Variants in FBXO34 observed in about 807,000 individuals in gnomAD.
FBXO34 encodes F-box protein 34, also known as F-box only protein 34.
FBXO34 carries 12 observed loss-of-function variants against 24.5 expected under a neutral mutation model. That is an observed-to-expected ratio of 0.49 (90% confidence interval 0.31 to 0.79). The LOEUF (loss-of-function observed/expected upper bound fraction) is 0.79. Among genes scored for constraint, FBXO34 ranks in the 30% least tolerant of loss-of-function variants. The probability of loss-of-function intolerance (pLI) is 0.04; values close to 1 mark genes in which losing one functional copy is unlikely to be tolerated. For missense variants in FBXO34, 823 were observed against 857.7 expected (o/e 0.96, Z 0.51); for synonymous variants, 320 against 311.9 (o/e 1.03, Z -0.27).
chr14:55,423,146 G>A, the FBXO34 span, among the ~76,000 whole-genome samples: 10 of 152,260 alleles, frequency 6.6e-5, no homozygotes, highest in East Asian at 1.3e-3. Flanking sequence ...TGGATGTGTT[G>A]AAAAATGGTC....
the FBXO34 span, chr14:55,435,973 TAA>T: frequency 3.5e-6 from 4 of 1,133,848 alleles, no homozygotes; most frequent in Non-Finnish European, 4.9e-6. Context: ...ATATCAGATA[TAA>T]AGAGTAAAAA....
chr14:55,327,266 T>G (rs755775996), intron 1 of FBXO34, among the ~76,000 whole-genome samples: 1 of 152,160 alleles, frequency 6.6e-6, no homozygotes, highest in South Asian at 2.1e-4. Context: ...GATGTCTCAT[T>G]GGAGCAGAGT....
the FBXO34 span, among the ~76,000 whole-genome samples, chr14:55,418,013 G>A: frequency 6.6e-6 from 1 of 152,194 alleles, no homozygotes; most frequent in African/African-American, 2.4e-5. Flanking sequence ...TGTGATAAAG[G>A]ATGTGAGCTA....
downstream of FBXO34, among the ~76,000 whole-genome samples, chr14:55,354,095 C>T (rs1175329481): frequency 6.6e-6 from 1 of 152,148 alleles, no homozygotes; most frequent in Non-Finnish European, 1.5e-5. Context: ...CTGTGCTGGG[C>T]TGATGTGCTT....
the FBXO34 span, among the ~76,000 whole-genome samples, chr14:55,439,420 CCT>C: frequency 1.3e-5 from 2 of 152,038 alleles, no homozygotes; most frequent in African/African-American, 2.4e-5. Flanking sequence ...CTCTGTTTCC[CCT>C]GTCAAAGCAG....
the FBXO34 span, among the ~76,000 whole-genome samples, chr14:55,417,090 A>G: frequency 3.9e-5 from 6 of 152,240 alleles, no homozygotes; most frequent in Non-Finnish European, 8.8e-5. Flanking sequence ...AGGGATCATT[A>G]TATCATAGAG....
intron 1 of FBXO34, among the ~76,000 whole-genome samples, chr14:55,312,123 C>T (rs149478714): frequency 0.012 from 1,835 of 150,908 alleles, 44 homozygotes; most frequent in African/African-American, 0.041. Flanking sequence ...TCACTTGAAC[C>T]TGGGAGGTGG....
chr14:55,324,784 A>C (rs1883285910), intron 1 of FBXO34, among the ~76,000 whole-genome samples: 1 of 152,178 alleles, frequency 6.6e-6, no homozygotes, highest in African/African-American at 2.4e-5. Flanking sequence ...TTTTATCAGG[A>C]ATAAGTGCTT....
chr14:55,323,204 A>AT (rs1883211575), intron 1 of FBXO34, among the ~76,000 whole-genome samples: 1 of 24,882 alleles, frequency 4.0e-5, no homozygotes, highest in African/African-American at 5.1e-4. Flanking sequence ...AAAAAAAAAA[A>AT]AAAAAAAAAA....
chr14:55,275,650 TAAA>T (rs772731752), intron 1 of FBXO34, among the ~76,000 whole-genome samples: 3 of 133,920 alleles, frequency 2.2e-5, no homozygotes, highest in Admixed American at 7.6e-5. Context: ...CCATCTCTAC[TAAA>T]AAAAAAAAAA....
chr14:55,287,430 T>C (rs1239334513), intron 1 of FBXO34, among the ~76,000 whole-genome samples: 1 of 152,068 alleles, frequency 6.6e-6, no homozygotes, highest in Non-Finnish European at 1.5e-5. Flanking sequence ...CACATAAGTA[T>C]AAGAAAAAAG....
the FBXO34 span, among the ~76,000 whole-genome samples, chr14:55,397,940 ATTCT>A: frequency 2.8e-4 from 38 of 136,874 alleles, no homozygotes; most frequent in Admixed American, 1.0e-3. Context: ...CATTGCAGTA[ATTCT>A]TTTTTTTTTT....
chr14:55,377,282 G>A, the FBXO34 span, among the ~76,000 whole-genome samples: 1 of 152,162 alleles, frequency 6.6e-6, no homozygotes, highest in African/African-American at 2.4e-5. Flanking sequence ...AGGAGGTGGA[G>A]GTTGCAGTGA....
chr14:55,329,559 T>G (rs922553490), intron 1 of FBXO34, among the ~76,000 whole-genome samples: 5 of 152,232 alleles, frequency 3.3e-5, no homozygotes, highest in African/African-American at 1.2e-4. Context: ...TTCTAAAGGT[T>G]TAACTTTCTA....
At chr14:55,304,237 G>A (rs2139720846) in intron 1 of FBXO34, among the ~76,000 whole-genome samples, 1 of 152,194 alleles carries the variant, frequency 6.6e-6, no homozygotes, top group Admixed American at 6.5e-5. Flanking sequence ...ATTGAGTGCT[G>A]TACTTTTTAT....
At chr14:55,428,304 T>C in the FBXO34 span, among the ~76,000 whole-genome samples, 1 of 151,916 alleles carries the variant, frequency 6.6e-6, no homozygotes, top group Non-Finnish European at 1.5e-5. Flanking sequence ...TAATTTTTTG[T>C]ATTTTTAGTA....
downstream of FBXO34, among the ~76,000 whole-genome samples, chr14:55,371,117 C>G (rs1884807329): frequency 6.6e-6 from 1 of 152,192 alleles, no homozygotes; most frequent in Admixed American, 6.5e-5. Context: ...CTGCTGCCCC[C>G]AAGATAAGCA....
downstream of FBXO34, chr14:55,369,525 G>C: frequency 8.3e-6 from 10 of 1,199,258 alleles, no homozygotes; most frequent in Non-Finnish European, 1.1e-5. Context: ...CTTTGTTCCA[G>C]ACACTATCTT....
At chr14:55,289,921 CAGT>C (rs537170248) in intron 1 of FBXO34, among the ~76,000 whole-genome samples, 32 of 151,726 alleles carry the variant, frequency 2.1e-4, no homozygotes, top group Non-Finnish European at 4.4e-4. Flanking sequence ...TTTCACCTAA[CAGT>C]AGTTTTTAAA....
Sources: gnomAD v4.1 joint callset for allele counts (sites outside exome capture counted in the v4.1 genomes callset) on GRCh38, gnomAD v4.1.1 for gene constraint, MANE v1.5 for transcripts, NCBI Gene and HGNC (gene_info 2026-07-23, HGNC 2026-07-21) for gene names.